Variants in EBF3 observed in about 807,000 individuals in gnomAD.
EBF3 encodes the protein EBF transcription factor 3.
A neutral mutation model predicts 77.1 loss-of-function variants in EBF3; 18 were observed. That is an observed-to-expected ratio of 0.23 (90% confidence interval 0.16 to 0.35). The LOEUF (loss-of-function observed/expected upper bound fraction) is 0.35. EBF3 is among the 10% of genes least tolerant of loss of function. The pLI is 1.00. For synonymous variants in EBF3, 350 were observed against 343.5 expected (o/e 1.02, Z -0.21); for missense variants, 558 against 860.0 (o/e 0.65, Z 4.39).
intron 6 of EBF3, among the ~76,000 whole-genome samples, chr10:129,891,073 T>C (rs1413151614): frequency 2.6e-5 from 4 of 152,246 alleles, no homozygotes; most frequent in African/African-American, 9.6e-5. Context: ...ATTCATGTCA[T>C]ATTTATCTTC....
intron 6 of EBF3, among the ~76,000 whole-genome samples, chr10:129,953,396 C>A (rs1481216661): frequency 6.7e-6 from 1 of 149,932 alleles, no homozygotes; most frequent in African/African-American, 2.5e-5. Context: ...TTCATCCTCC[C>A]CCCTCTTCAA....
intron 6 of EBF3, among the ~76,000 whole-genome samples, chr10:129,916,841 G>A (rs1358611098): frequency 6.6e-6 from 1 of 152,224 alleles, no homozygotes; most frequent in East Asian, 1.9e-4. Context: ...GCAGGACGAA[G>A]GTGCTCCCTG....
chr10:129,945,282 C>T (rs1858118333), intron 6 of EBF3, among the ~76,000 whole-genome samples: 1 of 151,992 alleles, frequency 6.6e-6, no homozygotes, highest in South Asian at 2.1e-4. Context: ...AAAGCTCTCC[C>T]CACATCAGTC....
chr10:129,928,004 T>C (rs2134400536), intron 6 of EBF3, among the ~76,000 whole-genome samples: 1 of 152,330 alleles, frequency 6.6e-6, no homozygotes, highest in East Asian at 1.9e-4. Flanking sequence ...AGGCCCCCAC[T>C]GTCTGCTACC....
chr10:129,925,779 G>A (rs1284100968), intron 6 of EBF3, among the ~76,000 whole-genome samples: 2 of 151,912 alleles, frequency 1.3e-5, no homozygotes, highest in African/African-American at 4.8e-5. Context: ...TTCCAATCAC[G>A]CTGAACTGAT....
rs191085411 is a variant in EBF3 at position 129,875,167 on chromosome 10, T to G, written c.637-1571A>C. Among the ~76,000 whole-genome samples the G allele has an allele frequency of 3.6e-3, 536 of 150,712 alleles. 3 individuals carry two copies. The highest frequency in any genetic ancestry group is 0.013 in the African/African-American group (514 of 41,036). On this transcript the variant is annotated intron_variant, in intron 7 of 16. Coordinates refer to ENST00000440978, the MANE Select transcript of EBF3 (RefSeq NM_001375380.1). Reference sequence around the variant, plus strand: ...AAGCTTATGTTTATATATGAATACATGTGCAAGTGATGGCTTCTTCTTTTT... The same window carrying G: ...AAGCTTATGTTTATATATGAATACAGGTGCAAGTGATGGCTTCTTCTTTTT...
At position 129,861,886 on chromosome 10, in the gene EBF3, A is replaced by T. The variant is rs1224778206; in HGVS notation, c.1039+5255T>A. ...CATCCAAGTAATTTGTTTGAGGAGC[A>T]CCGGCCTGGGAGACAGCAAGCTGGG... is the stretch of plus-strand genomic sequence containing the variant. On this transcript the variant is annotated intron_variant, in intron 10 of 16. Transcript: ENST00000440978. The surrounding 1 kb of genome is among the most constrained non-coding windows in gnomAD (Gnocchi z 4.3). Among the ~76,000 whole-genome samples, 1 of 152,352 alleles carries T rather than the reference A, an allele frequency of 6.6e-6. No individual in the cohort carries two copies. The highest frequency in any genetic ancestry group is 1.5e-5 in the Non-Finnish European group (1 of 68,040).
chr10:129,951,428 C>T (rs903335273), intron 6 of EBF3, among the ~76,000 whole-genome samples: 1 of 152,254 alleles, frequency 6.6e-6, no homozygotes, highest in Non-Finnish European at 1.5e-5. Flanking sequence ...GCCCTTGCCT[C>T]CACCCCTGCA....
At chr10:129,939,049 A>C (rs1488170089) in intron 6 of EBF3, among the ~76,000 whole-genome samples, 4 of 152,222 alleles carry the variant, frequency 2.6e-5, no homozygotes, top group Non-Finnish European at 4.4e-5. Context: ...TGCACAAAAT[A>C]ATCTGAATCT....
At chr10:129,915,294 C>T (rs899418371) in intron 6 of EBF3, among the ~76,000 whole-genome samples, 1 of 152,248 alleles carries the variant, frequency 6.6e-6, no homozygotes, top group South Asian at 2.1e-4. Context: ...GGAGCAGGAC[C>T]CCCCAAAGGA....
rs577982630 is a variant in EBF3, at chr10:129,943,170, G to C, written c.554+14088C>G. Among the ~76,000 whole-genome samples the C allele has an allele frequency of 1.3e-5, 2 of 152,328 alleles. No homozygotes were observed. The highest frequency in any genetic ancestry group is 4.1e-4 in the South Asian group (2 of 4,826). On this transcript the variant is annotated intron_variant, in intron 6 of 16. Coordinates refer to ENST00000440978, the MANE Select transcript of EBF3 (RefSeq NM_001375380.1). This position sits in a 1 kb window ranked among gnomAD's most constrained non-coding sequence, Gnocchi z 8.8. ...AAACAAGGCCCGCCAGAGCCAGAGA[G>C]CTGCCAGGCAGCTCTTCATTGGGGC... is the stretch of plus-strand genomic sequence containing the variant.
intron 6 of EBF3, among the ~76,000 whole-genome samples, chr10:129,941,699 G>C (rs1183125029): frequency 6.6e-6 from 1 of 152,260 alleles, no homozygotes; most frequent in Non-Finnish European, 1.5e-5. Context: ...CTGGAGGCCA[G>C]AGAAAGGGGC....
intron 6 of EBF3, among the ~76,000 whole-genome samples, chr10:129,932,304 C>T (rs766058771): frequency 9.2e-5 from 14 of 152,240 alleles, no homozygotes; most frequent in Non-Finnish European, 1.3e-4. Context: ...CCTCAAGCTG[C>T]CTAGCCTGGG....
Position 129,964,263 on chromosome 10 carries a change from T to C in EBF3, c.-495A>G. The C allele has an allele frequency of 1.0e-6, 1 of 984,620 alleles. No individual in the cohort carries two copies. The highest frequency in any genetic ancestry group is 1.2e-6 in the Non-Finnish European group (1 of 829,736). The allele number at this position is 984,620 out of a possible 1,614,324, so 61.0% of individuals were successfully genotyped here. A position where few individuals can be genotyped will look rare whatever the true frequency, so the allele number is the denominator to read the frequency against. On this transcript the variant is annotated 5_prime_UTR_variant, in exon 1 of 17. Transcript: ENST00000440978. The surrounding 1 kb of genome is among the most constrained non-coding windows in gnomAD (Gnocchi z 4.5). ...GAGGCGCACAAAACTCAGCCCTCTC[T>C]CCCCGAGGAATGGACCCTTTCCCGG...
At position 129,842,248 on chromosome 10, in the gene EBF3, T is replaced by C. The variant is rs1223535751; in HGVS notation, c.1240A>G (p.Ser414Gly). The change falls in exon 13 of 17, where the codon AGC (serine) becomes GGC (glycine). Residue 414 changes from serine to glycine, a missense_variant. This residue lies in a region of EBF3 where 284 missense variants were observed against 368.3 expected (regional missense o/e 0.77). Transcript: ENST00000440978. The surrounding 1 kb of genome is among the most constrained non-coding windows in gnomAD (Gnocchi z 4.4). Reference sequence around the variant, plus strand: ...ATCTGGTTGTGATTGCGGGGAACGCTGTACAGCGCCTCGGCGATGTCCGCC... The same window carrying C: ...ATCTGGTTGTGATTGCGGGGAACGCCGTACAGCGCCTCGGCGATGTCCGCC... ...RAADIAEALYSVPRNHNQIPT... is the reference protein window; with the variant it reads ...RAADIAEALYGVPRNHNQIPT... The C allele has an allele frequency of 6.2e-7, 1 of 1,613,076 alleles. No homozygotes were observed. Among genetic ancestry groups the C allele is most frequent in the Admixed American group, 1.7e-5 (1 of 59,932 alleles).
intron 7 of EBF3, among the ~76,000 whole-genome samples, chr10:129,875,460 T>G (rs1394126174): frequency 6.6e-6 from 1 of 152,104 alleles, no homozygotes; most frequent in East Asian, 1.9e-4. Context: ...CCTCTCAAAG[T>G]GCTGGGATGA....
At position 129,848,395 on chromosome 10, in the gene EBF3, G is replaced by C. The variant is rs1850626233; in HGVS notation, c.1125C>G (p.Pro375=). ...TGCCACTTGCTCTTTTACTAACCTT[G>C]GGTAACCTTTCGGGATCACCCGGAT... ...PRHPGDPERL[P]KEVLLKRAAD... Residue 375 remains proline, a synonymous_variant, in exon 11 of 17, where the codon CCC becomes CCG. Transcript: ENST00000440978. The surrounding 1 kb of genome is among the most constrained non-coding windows in gnomAD (Gnocchi z 4.4). 2 of 1,614,132 alleles carry C rather than the reference G, an allele frequency of 1.2e-6. No individual in the cohort carries two copies. Among genetic ancestry groups the C allele is most frequent in the African/African-American group, 2.7e-5 (2 of 75,032 alleles).
intron 5 of EBF3, among the ~76,000 whole-genome samples, chr10:129,957,702 C>G (rs771914591): frequency 7.6e-4 from 116 of 152,192 alleles, no homozygotes; most frequent in Non-Finnish European, 9.6e-4. Context: ...AATTGTCAAG[C>G]TGTTATTTCT....
intron 3 of EBF3, among the ~76,000 whole-genome samples, chr10:129,962,609 G>C (rs1025025668): frequency 6.6e-6 from 1 of 151,570 alleles, no homozygotes; most frequent in Admixed American, 6.6e-5. Context: ...AAAAAAACTC[G>C]TTCACAGGAA....
Sources: allele counts gnomAD v4.1 joint callset (sites outside exome capture counted in the v4.1 genomes callset), GRCh38; gene constraint gnomAD v4.1.1; regional missense constraint gnomAD v4.1.1; non-coding constraint Gnocchi (gnomAD v3.1); transcripts MANE v1.5; gene names NCBI Gene and HGNC (gene_info 2026-07-23, HGNC 2026-07-21).